The following UGT2B10 variants were observed in gnomAD, a reference collection of about 807,000 sequenced individuals.
The protein encoded by UGT2B10 is UDP glucuronosyltransferase family 2 member B10.
Under a neutral mutation model 43.7 loss-of-function variants are expected in UGT2B10, and 51 were observed. The ratio of observed to expected loss-of-function variants is 1.17; its 90% CI spans 0.93 to 1.47. The LOEUF (loss-of-function observed/expected upper bound fraction) is 1.47. UGT2B10 is among the 40% of genes most tolerant of loss of function. The pLI, the probability that UGT2B10 is intolerant of heterozygous loss-of-function variation, is 0.00. For missense variants in UGT2B10, 696 were observed against 617.7 expected, an observed-to-expected ratio of 1.13 and a Z score of -1.34; for synonymous variants, 225 against 209.0, an observed-to-expected ratio of 1.08 and a Z score of -0.66.
chr4:68,829,874 T>G (rs1738001953), intron 5 of UGT2B10, among the ~76,000 whole-genome samples: 1 of 152,054 alleles, frequency 6.6e-6, no homozygotes, highest in Non-Finnish European at 1.5e-5. Flanking sequence ...TTGGATTTTA[T>G]TCTTAAAATA....
intron 3 of UGT2B10, among the ~76,000 whole-genome samples, chr4:68,822,687 C>T (rs1040980084): frequency 2.0e-5 from 3 of 152,048 alleles, no homozygotes; most frequent in Non-Finnish European, 2.9e-5. Flanking sequence ...GAACTTGAGA[C>T]CCACAATTAC....
At position 68,816,103 on chromosome 4, in the gene UGT2B10, G is replaced by T; in HGVS notation, c.84G>T (p.Trp28Cys). 1.2e-6 allele frequency: 2 copies of T among 1,613,212 alleles called. No homozygotes were observed. The highest frequency in any genetic ancestry group is 1.1e-5 in the South Asian group (1 of 91,056). ...SSGSCGKVLV[W>C]AAEYSLWMNM... ...GGAGTTGTGGAAAGGTGCTGGTATG[G>T]GCCGCAGAATACAGCCTTTGGATGA... Residue 28 changes from tryptophan (W) to cysteine (C), a missense_variant, in exon 1 of 6, where the codon TGG becomes TGT. Coordinates refer to ENST00000265403, the MANE Select transcript of UGT2B10 (RefSeq NM_001075.6).
chr4:68,822,099 A>G (rs1737529962), intron 2 of UGT2B10, among the ~76,000 whole-genome samples, 172 bp from the exon 3 acceptor site: 2 of 152,100 alleles, frequency 1.3e-5, no homozygotes, highest in African/African-American at 4.8e-5. Context: ...CAACTATCTC[A>G]TACATCTTCT....
chr4:68,829,736 T>C (rs1737990728), intron 5 of UGT2B10, among the ~76,000 whole-genome samples: 1 of 151,984 alleles, frequency 6.6e-6, no homozygotes, highest in Non-Finnish European at 1.5e-5. Context: ...AGTGCTAAGA[T>C]GAGAACACCT....
At chr4:68,830,554 A>C (rs749072803) in intron 5 of UGT2B10, 46 bp from the exon 6 acceptor site, 2 of 1,563,684 alleles carry the variant, frequency 1.3e-6, no homozygotes, top group Non-Finnish European at 8.6e-7. Context: ...ATCTACAGGC[A>C]AATTAACTTA....
At position 68,817,752 on chromosome 4, in the gene UGT2B10, G is replaced by T. The variant is rs190107670; in HGVS notation, c.719-277G>T. Among the ~76,000 whole-genome samples, 128 of 151,818 alleles carry T rather than the reference G, an allele frequency of 8.4e-4. 1 individual carries two copies. The South Asian group carries it at 0.012, about 15-fold the overall frequency. ...AATAAATTGATGTTTAATTCTCTAT[G>T]ACTTATTTTAATAATTGTGAGTATA... On this transcript the variant is annotated intron_variant, in intron 1 of 5. Transcript: ENST00000265403.
At chr4:68,822,435 T>C in intron 3 of UGT2B10, 33 bp downstream of exon 3, 2 of 1,610,554 alleles carry the variant, frequency 1.2e-6, no homozygotes, top group Non-Finnish European at 1.7e-6. Flanking sequence ...TGTGGAAAAC[T>C]ACTGAAAGAG....
intron 5 of UGT2B10, among the ~76,000 whole-genome samples, chr4:68,828,866 T>A (rs1156878910): frequency 1.3e-5 from 2 of 152,018 alleles, no homozygotes; most frequent in Non-Finnish European, 2.9e-5. Flanking sequence ...GACTATATGA[T>A]CCAGCCATAG....
At position 68,831,352 on chromosome 4, in the gene UGT2B10, C is replaced by G. The variant is rs1738091946; in HGVS notation, c.*473C>G. Among the ~76,000 whole-genome samples, 1 of 151,884 alleles carries G rather than the reference C, an allele frequency of 6.6e-6. No homozygotes were observed. The highest frequency in any genetic ancestry group is 6.6e-5 in the Admixed American group (1 of 15,220). On this transcript the variant is annotated 3_prime_UTR_variant, in exon 6 of 6. Transcript: ENST00000265403. ...AAACAATCCTCCCATTTTAGCATCC[C>G]AAAGGGATGAGATTACAGGTATGTA...
At chr4:68,820,969 A>G (rs550628490) in intron 2 of UGT2B10, among the ~76,000 whole-genome samples, 3 of 152,286 alleles carry the variant, frequency 2.0e-5, no homozygotes, top group East Asian at 1.9e-4. Context: ...AGGCTCTGGC[A>G]TCAAGCCAGT....
At chr4:68,826,300 G>T in intron 3 of UGT2B10, 110 bp from the exon 4 acceptor site, 3 of 1,223,612 alleles carry the variant, frequency 2.5e-6, no homozygotes, top group South Asian at 1.5e-5. Context: ...TCTTTGAGTA[G>T]ATTTATTTAC....
At chr4:68,824,076 G>T (rs181992014) in intron 3 of UGT2B10, among the ~76,000 whole-genome samples, 7 of 152,304 alleles carry the variant, frequency 4.6e-5, no homozygotes, top group African/African-American at 1.7e-4. Flanking sequence ...ATTTCAAAAA[G>T]TCTGACATGC....
At chr4:68,826,890 A>T (rs111523271) in intron 4 of UGT2B10, among the ~76,000 whole-genome samples, 10,144 of 152,110 alleles carry the variant, frequency 0.067, 360 homozygotes, top group Non-Finnish European at 0.09. Flanking sequence ...GGAGGACTAA[A>T]TTCCTAATCT....
chr4:68,825,224 C>A (rs1737712174), intron 3 of UGT2B10, among the ~76,000 whole-genome samples: 1 of 123,174 alleles, frequency 8.1e-6, no homozygotes, highest in Non-Finnish European at 1.7e-5. Context: ...ACAAAATAAA[C>A]ATATAGGTCA....
chr4:68,824,424 G>A (rs1483702313), intron 3 of UGT2B10, among the ~76,000 whole-genome samples: 3 of 152,112 alleles, frequency 2.0e-5, no homozygotes, highest in East Asian at 1.9e-4. Flanking sequence ...CCCAATGGAC[G>A]CAGCAGAAGG....
intron 1 of UGT2B10, 41 bp downstream of exon 1, chr4:68,816,778 T>C (rs1335620674): frequency 2.0e-6 from 3 of 1,480,138 alleles, no homozygotes; most frequent in Non-Finnish European, 2.7e-6. Context: ...CTCTAACTTA[T>C]TTGTGTCTTT....
intron 5 of UGT2B10, among the ~76,000 whole-genome samples, chr4:68,829,392 A>G (rs1737968073): frequency 6.6e-6 from 1 of 152,116 alleles, no homozygotes; most frequent in African/African-American, 2.4e-5. Context: ...TGAACTGAAC[A>G]ATAGGTAAAT....
rs182298433 is a variant in UGT2B10, at chr4:68,830,916, T to C, written c.*37T>C. On this transcript the variant is annotated 3_prime_UTR_variant, in exon 6 of 6. Coordinates refer to ENST00000265403, the MANE Select transcript of UGT2B10 (RefSeq NM_001075.6). ...ATTTGAAGCTGGAAAACCTGATAGATAGGAATACTTCAGTTGATTCCAGCA... is the reference window on the plus strand; with the variant it reads ...ATTTGAAGCTGGAAAACCTGATAGACAGGAATACTTCAGTTGATTCCAGCA... 4.5e-5 allele frequency: 72 copies of C among 1,597,254 alleles called. No homozygotes were observed. The South Asian group carries it at 4.5e-4, about 10-fold the overall frequency.
rs1316425712 is a variant in UGT2B10 at position 68,831,054 on chromosome 4, T to C, written c.*175T>C. 3 of 788,470 alleles carry C rather than the reference T, an allele frequency of 3.8e-6. No individual in the cohort carries two copies. Among genetic ancestry groups the C allele is most frequent in the African/African-American group, 1.7e-5 (1 of 57,150 alleles). 48.8% of individuals were successfully genotyped at this position (788,470 alleles called of 1,614,324 possible). On this transcript the variant is annotated 3_prime_UTR_variant, in exon 6 of 6. Coordinates refer to ENST00000265403, the MANE Select transcript of UGT2B10 (RefSeq NM_001075.6). ...CAGAGATTTACCACCCAGTTAATGG[T>C]TAGAAATATTCTGTGGCAATGAAGA...
Sources: gnomAD v4.1 joint callset for allele counts (sites outside exome capture counted in the v4.1 genomes callset) on GRCh38, gnomAD v4.1.1 for gene constraint, MANE v1.5 for transcripts, NCBI Gene and HGNC (gene_info 2026-07-23, HGNC 2026-07-21) for gene names.